DAG1: variants seen among roughly 807,000 people sequenced by gnomAD.
DAG1 encodes the protein dystroglycan 1.
Under a neutral mutation model 46.1 loss-of-function variants are expected in DAG1, and 8 were observed. That is an observed-to-expected ratio of 0.17 (90% confidence interval 0.10 to 0.31). DAG1 has a LOEUF of 0.31. DAG1 is among the 10% of genes least tolerant of loss of function. The pLI, the probability that DAG1 is intolerant of heterozygous loss-of-function variation, is 1.00. For synonymous variants in DAG1, 495 were observed against 481.8 expected (o/e 1.03, Z -0.36); for missense variants, 1,003 against 1,189.9 (o/e 0.84, Z 2.31).
At chr3:49,506,850 G>A (rs2050618342) in intron 1 of DAG1, among the ~76,000 whole-genome samples, 1 of 152,068 alleles carries the variant, frequency 6.6e-6, no homozygotes, top group Non-Finnish European at 1.5e-5. Flanking sequence ...GGTGGCAAAT[G>A]CCTATAGTCC....
At chr3:49,510,111 A>G (rs1575386077) in intron 1 of DAG1, 2 of 356,728 alleles carry the variant, frequency 5.6e-6, no homozygotes, top group East Asian at 4.7e-5. Flanking sequence ...ATCTGACTGT[A>G]TTCAAAATAT....
rs746852411 is a variant in DAG1, at chr3:49,532,246, G to A, written c.1735G>A (p.Ala579Thr). Residue 579 changes from alanine to threonine, a missense_variant, in exon 3 of 3, where the codon GCC becomes ACC. Ala to Thr is a moderately conservative substitution (Grantham distance 58). Around this residue, in one of 3 missense-constraint regions of DAG1, gnomAD observed 755 missense variants for 854.1 expected, o/e 0.88. Transcript: ENST00000308775. The surrounding 1 kb of genome is among the most constrained non-coding windows in gnomAD (Gnocchi z 5.4). ...GGGCAAACACGAGTATTTCATGCAT[G>A]CCACAGACAAGGGGGGCCTGTCGGC... ...HVGKHEYFMH[A>T]TDKGGLSAVD... 6.2e-7 allele frequency: 1 copy of A among 1,613,956 alleles called. No individual in the cohort carries two copies.
chr3:49,508,543 C>T (rs1244007332), intron 1 of DAG1, among the ~76,000 whole-genome samples: 1 of 152,116 alleles, frequency 6.6e-6, no homozygotes. Flanking sequence ...CGACTTCAGG[C>T]GTGCACCACC....
intron 1 of DAG1, among the ~76,000 whole-genome samples, chr3:49,481,638 T>C (rs1424623223): frequency 6.6e-6 from 1 of 152,144 alleles, no homozygotes; most frequent in East Asian, 1.9e-4. Flanking sequence ...GAGGCAGTCA[T>C]GGCCCTTGGA....
chr3:49,477,547 C>T (rs923728835), intron 1 of DAG1, among the ~76,000 whole-genome samples: 13 of 152,202 alleles, frequency 8.5e-5, no homozygotes, highest in African/African-American at 2.9e-4. Context: ...CCCGCCTCAG[C>T]CTCTCAAAGT....
intron 1 of DAG1, among the ~76,000 whole-genome samples, chr3:49,504,048 C>G (rs1326922945): frequency 6.6e-6 from 1 of 152,072 alleles, no homozygotes; most frequent in South Asian, 2.1e-4. Context: ...ATATCACAGG[C>G]AGGATATTGG....
intron 2 of DAG1, among the ~76,000 whole-genome samples, chr3:49,519,461 A>G (rs1324395955): frequency 3.3e-5 from 5 of 152,106 alleles, no homozygotes; most frequent in Non-Finnish European, 7.4e-5. Context: ...CCTGAGAACA[A>G]TGGGCACTCT....
chr3:49,521,302 T>A (rs1379930502), intron 2 of DAG1, among the ~76,000 whole-genome samples: 1 of 152,084 alleles, frequency 6.6e-6, no homozygotes, highest in African/African-American at 2.4e-5. Context: ...TAGCTGGGAC[T>A]ACAGGCACCC....
intron 2 of DAG1, among the ~76,000 whole-genome samples, chr3:49,523,239 G>T (rs1264531718): frequency 6.6e-6 from 1 of 152,134 alleles, no homozygotes; most frequent in Non-Finnish European, 1.5e-5. Context: ...CCAGGATCTA[G>T]TGCACCCATT....
chr3:49,469,861 A>C (rs1037150668), upstream of DAG1, among the ~76,000 whole-genome samples: 3 of 152,224 alleles, frequency 2.0e-5, no homozygotes, highest in African/African-American at 7.2e-5. Context: ...GCCAGTTCGC[A>C]GTCCTGACTG....
chr3:49,504,606 T>G (rs1274860344), intron 1 of DAG1, among the ~76,000 whole-genome samples: 37 of 74,270 alleles, frequency 5.0e-4, no homozygotes, highest in Non-Finnish European at 7.4e-4. Flanking sequence ...TTTTTTTTTT[T>G]GACAGAGTCT....
In DAG1 at chr3:49,489,098, C is replaced by CT. The variant is rs562212219; in HGVS notation, c.-117+18679dup. Among the ~76,000 whole-genome samples, 769 of 140,136 alleles carry CT rather than the reference C, an allele frequency of 5.5e-3. 3 individuals are homozygous for CT. Among genetic ancestry groups the CT allele is most frequent in the African/African-American group, 0.014 (546 of 38,420 alleles). 91.9% of individuals were successfully genotyped at this position (140,136 alleles called of 152,430 possible). A position where few individuals can be genotyped will look rare whatever the true frequency, so the allele number is the denominator to read the frequency against. ...TTTATTTTACCTCCATGTGAATTAC[C>CT]TTTTTTTTTTTTTTGAGACACAGTT... is the stretch of plus-strand genomic sequence containing the variant. On this transcript the variant is annotated intron_variant, in intron 1 of 2. Transcript: ENST00000308775.
intron 1 of DAG1, among the ~76,000 whole-genome samples, chr3:49,479,452 A>G (rs2049798145): frequency 6.9e-6 from 1 of 145,752 alleles, no homozygotes; most frequent in African/African-American, 2.5e-5. Context: ...TGAGACGACA[A>G]GTGCGTGCCA....
At chr3:49,522,293 A>G (rs1348115330) in intron 2 of DAG1, among the ~76,000 whole-genome samples, 1 of 149,952 alleles carries the variant, frequency 6.7e-6, no homozygotes, top group Non-Finnish European at 1.5e-5. Context: ...CAGCCTCCCA[A>G]ACTGCTGGGA....
intron 2 of DAG1, among the ~76,000 whole-genome samples, chr3:49,529,685 G>A (rs1043652933): frequency 3.3e-5 from 5 of 152,250 alleles, no homozygotes; most frequent in Admixed American, 1.3e-4. Context: ...ATAGGACAAT[G>A]GAGATGAGAG....
At chr3:49,485,826 A>AT (rs1284007910) in intron 1 of DAG1, among the ~76,000 whole-genome samples, 10 of 148,930 alleles carry the variant, frequency 6.7e-5, no homozygotes, top group African/African-American at 9.9e-5. Flanking sequence ...ATGCCAGCCT[A>AT]TTTTTTTTTC....
At chr3:49,527,542 A>G (rs1336179899) in intron 2 of DAG1, among the ~76,000 whole-genome samples, 23 of 150,986 alleles carry the variant, frequency 1.5e-4, no homozygotes, top group African/African-American at 5.6e-4. Context: ...AAAACCAACA[A>G]AACACGAAAA....
chr3:49,472,589 C>T (rs1427247790), intron 1 of DAG1, among the ~76,000 whole-genome samples: 1 of 152,070 alleles, frequency 6.6e-6, no homozygotes, highest in Non-Finnish European at 1.5e-5. Flanking sequence ...GGGCGGATCA[C>T]GAGGTCAGGA....
In DAG1 at chr3:49,497,436, C is replaced by CAA. The variant is rs11391817; in HGVS notation, c.-116-12964_-116-12963dup. On this transcript the variant is annotated intron_variant, in intron 1 of 2. Coordinates refer to ENST00000308775, the MANE Select transcript of DAG1 (RefSeq NM_004393.6). ...TGGGTGACAGAGCAAGACTCCGTCT[C>CAA]AAAAAAAAAAAAAAAAAAAATTAAA... Among the ~76,000 whole-genome samples the CAA allele has an allele frequency of 2.5e-3, 327 of 128,444 alleles. 1 individual carries two copies. Among genetic ancestry groups the CAA allele is most frequent in the Non-Finnish European group, 3.9e-3 (237 of 60,774 alleles). The allele number at this position is 128,444 out of a possible 152,430, so 84.3% of individuals were successfully genotyped here.
Sources: gnomAD v4.1 joint callset for allele counts (sites outside exome capture counted in the v4.1 genomes callset) on GRCh38, gnomAD v4.1.1 for gene constraint, gnomAD v4.1.1 regional missense constraint, Gnocchi (gnomAD v3.1) non-coding constraint, MANE v1.5 for transcripts, NCBI Gene and HGNC (gene_info 2026-07-23, HGNC 2026-07-21) for gene names.